CYRIB: variants seen among roughly 807,000 people sequenced by gnomAD.
The protein encoded by CYRIB is CYFIP-related Rac1 interactor B.
CYRIB carries 8 observed loss-of-function variants against 44.2 expected under a neutral mutation model. The ratio of observed to expected loss-of-function variants is 0.18; its 90% CI spans 0.11 to 0.33. CYRIB has a LOEUF of 0.33. Ranked by LOEUF, CYRIB falls within the 10% of genes least tolerant of loss-of-function variation. The pLI, the probability that CYRIB is intolerant of heterozygous loss-of-function variation, is 1.00. For synonymous variants in CYRIB, 131 were observed against 127.2 expected (o/e 1.03, Z -0.20); for missense variants, 185 against 382.8 (o/e 0.48, Z 4.31).
chr8:130,013,289 G>A (rs148199932), intron 1 of CYRIB, among the ~76,000 whole-genome samples: 183 of 152,300 alleles, frequency 1.2e-3, no homozygotes, highest in African/African-American at 3.9e-3. Context: ...AGAACACTGA[G>A]GCTCCAAGAA....
intron 2 of CYRIB, among the ~76,000 whole-genome samples, chr8:129,966,449 T>C (rs1304980373): frequency 1.2e-4 from 18 of 152,158 alleles, no homozygotes; most frequent in Admixed American, 1.2e-3. Flanking sequence ...TGTTTTTAAA[T>C]ACAAAAGAAG....
At chr8:129,891,323 T>A (rs1222306664) in intron 2 of CYRIB, among the ~76,000 whole-genome samples, 1 of 152,262 alleles carries the variant, frequency 6.6e-6, no homozygotes, top group African/African-American at 2.4e-5. Context: ...CTCGTTTTCT[T>A]TCTGCTTTCC....
intron 1 of CYRIB, among the ~76,000 whole-genome samples, chr8:129,904,296 T>C (rs1210159439): frequency 6.6e-6 from 1 of 152,166 alleles, no homozygotes; most frequent in African/African-American, 2.4e-5. Flanking sequence ...CTACAGGAAT[T>C]CTTCAGCTAT....
chr8:129,967,482 C>T (rs1460038919), intron 2 of CYRIB, among the ~76,000 whole-genome samples: 3 of 151,934 alleles, frequency 2.0e-5, no homozygotes, highest in African/African-American at 7.3e-5. Flanking sequence ...CAGGTTCACG[C>T]CATTCTCCTG....
At chr8:129,912,436 T>G (rs957056816) in intron 1 of CYRIB, 3 of 152,042 alleles carry the variant, frequency 2.0e-5, no homozygotes, top group East Asian at 3.9e-4. Context: ...ACAAAGTTTT[T>G]TTTTTTTTTT....
At chr8:129,986,230 G>A (rs186340239) in intron 1 of CYRIB, among the ~76,000 whole-genome samples, 1 of 152,322 alleles carries the variant, frequency 6.6e-6, no homozygotes, top group African/African-American at 2.4e-5. Flanking sequence ...GCTAAAGGAA[G>A]AGAGAGGGGA....
At chr8:129,874,815 G>A in intron 3 of CYRIB, among the ~76,000 whole-genome samples, 1 of 152,064 alleles carries the variant, frequency 6.6e-6, no homozygotes, top group South Asian at 2.1e-4. Flanking sequence ...CTATGCAAGA[G>A]ATAAATGAAA....
intron 1 of CYRIB, among the ~76,000 whole-genome samples, chr8:129,916,406 T>C (rs1285001057): frequency 6.6e-6 from 1 of 151,722 alleles, no homozygotes; most frequent in Non-Finnish European, 1.5e-5. Flanking sequence ...TCATCACTGC[T>C]CTATTAAAAA....
intron 8 of CYRIB, 110 bp downstream of exon 10, chr8:129,852,052 G>A: frequency 1.7e-6 from 1 of 574,282 alleles, no homozygotes; most frequent in Non-Finnish European, 3.0e-6. Flanking sequence ...ACATACATCT[G>A]GGAGTCTGTT....
Position 129,930,365 on chromosome 8 carries a change from T to TATATATATATATATATATATATA in CYRIB, c.-50+9242_-50+9243insTATATATATATATATATATATAT, listed in dbSNP as rs2090532178. ...TCAACTAGGAAGAATTGTGAAGTGCTTATATATATATATATTTTAATTATT... is the reference window on the plus strand; with the variant it reads ...TCAACTAGGAAGAATTGTGAAGTGCTATATATATATATATATATATATATATATATATATATATTTTAATTATT... On this transcript the variant is annotated intron_variant, in intron 1 of 11. Coordinates refer to ENST00000519824, the Ensembl canonical transcript of CYRIB. 5.4e-4 allele frequency among the ~76,000 whole-genome samples: 27 copies of TATATATATATATATATATATATA among 50,418 alleles called. 3 individuals are homozygous for TATATATATATATATATATATATA. The highest frequency in any genetic ancestry group is 1.7e-3 in the Admixed American group (7 of 4,142). The allele number at this position is 50,418 out of a possible 152,430, so 33.1% of individuals were successfully genotyped here.
intron 3 of CYRIB, 31 bp from the exon 6 acceptor site, chr8:129,871,527 C>T (rs769155507): frequency 6.3e-7 from 1 of 1,598,760 alleles, no homozygotes; most frequent in Non-Finnish European, 8.5e-7. Flanking sequence ...AGAAAATTTA[C>T]AGTGACATGA....
intron 1 of CYRIB, among the ~76,000 whole-genome samples, chr8:129,931,238 A>G (rs1413978249): frequency 6.6e-6 from 1 of 152,128 alleles, no homozygotes; most frequent in Admixed American, 6.5e-5. Context: ...ATCTACACAT[A>G]TAAAGGGAAA....
At chr8:129,996,272 C>T (rs1054168851) in intron 1 of CYRIB, among the ~76,000 whole-genome samples, 2 of 152,154 alleles carry the variant, frequency 1.3e-5, no homozygotes, top group Admixed American at 6.5e-5. Flanking sequence ...CCAACCCCCA[C>T]CTCACACCCC....
At chr8:129,952,002 G>A (rs1007625506) in intron 2 of CYRIB, among the ~76,000 whole-genome samples, 1 of 152,148 alleles carries the variant, frequency 6.6e-6, no homozygotes, top group African/African-American at 2.4e-5. Flanking sequence ...AAAGAACAAA[G>A]TACAAAACTA....
At chr8:129,855,859 A>C in intron 5 of CYRIB, 112 bp from the exon 8 acceptor site, 1 of 986,730 alleles carries the variant, frequency 1.0e-6, no homozygotes, top group South Asian at 1.8e-5. Context: ...CTCTTTAAAA[A>C]ACAGATGATC....
At chr8:129,967,379 GTTTTT>G (rs942280306) in intron 2 of CYRIB, among the ~76,000 whole-genome samples, 83 of 149,448 alleles carry the variant, frequency 5.6e-4, no homozygotes, top group African/African-American at 2.0e-3. Context: ...TTGTTTTTTT[GTTTTT>G]TTGTTTTTTT....
intron 8 of CYRIB, 39 bp downstream of exon 10, chr8:129,852,123 T>A: frequency 7.7e-7 from 1 of 1,299,468 alleles, no homozygotes; most frequent in Non-Finnish European, 1.0e-6. Flanking sequence ...AACAGGGGCA[T>A]AAATAACAAC....
intron 1 of CYRIB, among the ~76,000 whole-genome samples, chr8:129,928,649 A>G (rs1235868061): frequency 6.6e-6 from 1 of 151,802 alleles, no homozygotes; most frequent in African/African-American, 2.4e-5. Context: ...GACAAAGTAA[A>G]ATCCTTTCTT....
At chr8:129,950,440 T>G (rs1361727907) in intron 2 of CYRIB, among the ~76,000 whole-genome samples, 2 of 152,030 alleles carry the variant, frequency 1.3e-5, no homozygotes, top group Non-Finnish European at 2.9e-5. Flanking sequence ...CGTGGTGACG[T>G]GCACCTGTAA....
Sources: gnomAD v4.1 joint callset for allele counts (sites outside exome capture counted in the v4.1 genomes callset) on GRCh38, gnomAD v4.1.1 for gene constraint, MANE v1.5 for transcripts, NCBI Gene and HGNC (gene_info 2026-07-23, HGNC 2026-07-21) for gene names.